CBLB: variants seen among roughly 807,000 people sequenced by gnomAD.
The protein encoded by CBLB is E3 ubiquitin-protein ligase CBL-B.
Under a neutral mutation model 104.9 loss-of-function variants are expected in CBLB, and 31 were observed. That is an observed-to-expected ratio of 0.30 (90% CI 0.22 to 0.40). CBLB has a LOEUF of 0.40. CBLB is among the 10% of genes least tolerant of loss of function. CBLB has a pLI of 1.00. For synonymous variants in CBLB, 440 were observed against 422.6 expected, an observed-to-expected ratio of 1.04 and a Z score of -0.51; for missense variants, 1,062 against 1,214.6, an observed-to-expected ratio of 0.87 and a Z score of 1.87.
intron 3 of CBLB, among the ~76,000 whole-genome samples, chr3:105,810,023 G>T (rs761986053): frequency 2.0e-5 from 3 of 152,066 alleles, no homozygotes; most frequent in Non-Finnish European, 4.4e-5. Flanking sequence ...AAGAAAAAAA[G>T]AAACTTTAAA....
chr3:105,722,666 G>A (rs774255507), intron 9 of CBLB, among the ~76,000 whole-genome samples: 13 of 152,120 alleles, frequency 8.5e-5, no homozygotes, highest in African/African-American at 2.2e-4. Context: ...ATTAGGCTAC[G>A]TAAGTTTCTC....
intron 3 of CBLB, among the ~76,000 whole-genome samples, chr3:105,842,583 T>C (rs919441293): frequency 6.6e-6 from 1 of 152,124 alleles, no homozygotes; most frequent in Non-Finnish European, 1.5e-5. Flanking sequence ...TTAAATAATA[T>C]GGAAGAGAAT....
chr3:105,678,629 C>T (rs1249137541), intron 16 of CBLB, 58 bp from the exon 17 acceptor site: 55 of 1,519,958 alleles, frequency 3.6e-5, no homozygotes, highest in Non-Finnish European at 4.8e-5. Context: ...AAATACACAG[C>T]ATCTAACAAA....
At position 105,679,636 on chromosome 3, in the gene CBLB, C is replaced by T. The variant is rs375074300; in HGVS notation, c.2429-1065G>A. Among the ~76,000 whole-genome samples, 25 of 152,040 alleles carry T rather than the reference C, an allele frequency of 1.6e-4. No homozygotes were observed. The East Asian group carries it at 3.9e-3, about 24-fold the overall frequency. On this transcript the variant is annotated intron_variant, in intron 16 of 18. Coordinates refer to ENST00000394030, the MANE Select transcript of CBLB (RefSeq NM_170662.5). ...GCTAAAATACAAAAAATTAGCCGGGCATGGTGGTACGTGACTGTAATCCTG... is the reference window on the plus strand; with the variant it reads ...GCTAAAATACAAAAAATTAGCCGGGTATGGTGGTACGTGACTGTAATCCTG...
intron 10 of CBLB, among the ~76,000 whole-genome samples, chr3:105,708,080 C>A (rs2070471284): frequency 6.6e-6 from 1 of 152,080 alleles, no homozygotes; most frequent in African/African-American, 2.4e-5. Context: ...CTTTAGCCCA[C>A]CAGTTCATAT....
Position 105,786,065 on chromosome 3 carries a change from G to GGGC in CBLB, c.420-9524_420-9523insGCC, listed in dbSNP as rs1553794734. 7.9e-5 allele frequency among the ~76,000 whole-genome samples: 11 copies of GGGC among 139,272 alleles called. 1 individual carries two copies. The highest frequency in any genetic ancestry group is 3.5e-3 in the Middle Eastern group (1 of 282). The allele number at this position is 139,272 out of a possible 152,430, so 91.4% of individuals were successfully genotyped here. A position where few individuals can be genotyped will look rare whatever the true frequency, so the allele number is the denominator to read the frequency against. On this transcript the variant is annotated intron_variant, in intron 3 of 18. Coordinates refer to ENST00000394030, the MANE Select transcript of CBLB (RefSeq NM_170662.5). ...CATAACACTGTGTGAGAGGATCGGG[G>GGGC]GGGGGAAAGTGGGTAAAATGAAAGT... is the stretch of plus-strand genomic sequence containing the variant.
chr3:105,749,254 C>T (rs945973439), intron 5 of CBLB, among the ~76,000 whole-genome samples: 2 of 152,022 alleles, frequency 1.3e-5, no homozygotes, highest in Admixed American at 1.3e-4. Context: ...CACGGGCTAA[C>T]AAGAGTTCTT....
intron 6 of CBLB, among the ~76,000 whole-genome samples, chr3:105,741,208 A>G (rs1316556790): frequency 1.5e-5 from 2 of 132,954 alleles, no homozygotes; most frequent in African/African-American, 2.8e-5. Context: ...GTTTTTTTTG[A>G]GACGCAGTCT....
At chr3:105,719,318 C>A (rs1205496052) in intron 10 of CBLB, among the ~76,000 whole-genome samples, 4 of 152,218 alleles carry the variant, frequency 2.6e-5, no homozygotes, top group Non-Finnish European at 4.4e-5. Flanking sequence ...CAAACACTCT[C>A]ATTACCTCTC....
At chr3:105,685,012 T>C (rs1168431471) in intron 14 of CBLB, among the ~76,000 whole-genome samples, 1 of 152,190 alleles carries the variant, frequency 6.6e-6, no homozygotes, top group African/African-American at 2.4e-5. Flanking sequence ...TAAATTATAC[T>C]AGTATGTACA....
chr3:105,800,491 T>G (rs752203086), intron 3 of CBLB, among the ~76,000 whole-genome samples: 1 of 152,176 alleles, frequency 6.6e-6, no homozygotes, highest in Non-Finnish European at 1.5e-5. Flanking sequence ...GCACTGGTAT[T>G]GCTTTAAGAG....
intron 7 of CBLB, 84 bp from the exon 8 acceptor site, chr3:105,737,342 C>A: frequency 3.1e-6 from 2 of 639,502 alleles, no homozygotes; most frequent in South Asian, 4.1e-5. Context: ...TTTCTATATT[C>A]AAACATACAT....
intron 10 of CBLB, among the ~76,000 whole-genome samples, chr3:105,709,778 T>C (rs542988708): frequency 6.6e-6 from 1 of 151,948 alleles, no homozygotes; most frequent in Non-Finnish European, 1.5e-5. Context: ...ATACTAGACA[T>C]GTAACCGTGT....
At chr3:105,855,733 A>G (rs1312829941) in intron 2 of CBLB, among the ~76,000 whole-genome samples, 2 of 152,226 alleles carry the variant, frequency 1.3e-5, no homozygotes, top group Admixed American at 1.3e-4. Context: ...GCCAAAAACT[A>G]GTCTAGATTA....
At chr3:105,767,404 C>T (rs1476382077) in intron 4 of CBLB, among the ~76,000 whole-genome samples, 1 of 151,918 alleles carries the variant, frequency 6.6e-6, no homozygotes, top group Non-Finnish European at 1.5e-5. Flanking sequence ...CCAAAGAAGG[C>T]CCTTATTGCT....
At chr3:105,846,165 A>G (rs1228610895) in intron 3 of CBLB, among the ~76,000 whole-genome samples, 1 of 152,102 alleles carries the variant, frequency 6.6e-6, no homozygotes, top group Non-Finnish European at 1.5e-5. Context: ...AAAAGAAATT[A>G]GTTGCCTATT....
chr3:105,812,274 T>C (rs569875048), intron 3 of CBLB, among the ~76,000 whole-genome samples: 2 of 152,188 alleles, frequency 1.3e-5, no homozygotes, highest in Non-Finnish European at 2.9e-5. Context: ...CCAACAAATA[T>C]TTACTGAGCA....
chr3:105,714,957 T>A (rs144498815), intron 10 of CBLB, among the ~76,000 whole-genome samples: 1 of 152,330 alleles, frequency 6.6e-6, no homozygotes, highest in African/African-American at 2.4e-5. Flanking sequence ...GAAAATACAA[T>A]GTTTAAGACA....
At chr3:105,752,637 A>G (rs932660704) in intron 4 of CBLB, among the ~76,000 whole-genome samples, 1 of 152,234 alleles carries the variant, frequency 6.6e-6, no homozygotes, top group Non-Finnish European at 1.5e-5. Flanking sequence ...ACTCAGGCAG[A>G]ATAAACTAAA....
Sources: gnomAD v4.1 joint callset for allele counts (sites outside exome capture counted in the v4.1 genomes callset) on GRCh38, gnomAD v4.1.1 for gene constraint, MANE v1.5 for transcripts, NCBI Gene and HGNC (gene_info 2026-07-23, HGNC 2026-07-21) for gene names.